RANBP2: variants seen among roughly 807,000 people sequenced by gnomAD.
RANBP2 encodes E3 SUMO-protein ligase RanBP2.
In RANBP2, 57 loss-of-function variants were observed where a neutral mutation model predicts 303.6. The observed-to-expected ratio is 0.19, with a 90% confidence interval of 0.15 to 0.23. RANBP2 has a LOEUF of 0.23. RANBP2 is among the 10% of genes least tolerant of loss of function. The pLI is 1.00. For synonymous variants in RANBP2, 1,167 were observed against 1,301.5 expected, an observed-to-expected ratio of 0.90 and a Z score of 2.23; for missense variants, 3,138 against 3,780.8, an observed-to-expected ratio of 0.83 and a Z score of 4.46.
At chr2:109,003,864 C>T in the RANBP2 span, among the ~76,000 whole-genome samples, 3 of 152,100 alleles carry the variant, frequency 2.0e-5, no homozygotes, top group African/African-American at 7.2e-5. Context: ...TGAAGAGACA[C>T]CAGCAGAGTT....
the RANBP2 span, among the ~76,000 whole-genome samples, chr2:109,066,747 C>T: frequency 5.9e-5 from 9 of 152,126 alleles, no homozygotes; most frequent in East Asian, 7.8e-4. Context: ...GGGGCAGGGG[C>T]GATGGGAGGC....
the RANBP2 span, among the ~76,000 whole-genome samples, chr2:109,413,154 G>A: frequency 2.6e-5 from 4 of 152,212 alleles, no homozygotes; most frequent in East Asian, 5.8e-4. Flanking sequence ...TTGCTCTGTC[G>A]CCCAGGCTGG....
the RANBP2 span, among the ~76,000 whole-genome samples, chr2:109,138,187 C>T: frequency 7.2e-5 from 11 of 152,238 alleles, no homozygotes; most frequent in Non-Finnish European, 1.5e-4. Flanking sequence ...GGCTAACGCC[C>T]GGCTAATTTT....
the RANBP2 span, among the ~76,000 whole-genome samples, chr2:109,504,942 C>T: frequency 2.6e-5 from 4 of 152,224 alleles, no homozygotes; most frequent in Non-Finnish European, 5.9e-5. Context: ...CAGTTCCCCT[C>T]TAGGGGCTCA....
chr2:109,224,995 AT>A, the RANBP2 span, among the ~76,000 whole-genome samples: 23 of 152,308 alleles, frequency 1.5e-4, no homozygotes, highest in East Asian at 3.1e-3. Context: ...TTTAAAAAGA[AT>A]TTTGTGGGTT....
chr2:108,983,605 C>T, the RANBP2 span, among the ~76,000 whole-genome samples: 2 of 152,172 alleles, frequency 1.3e-5, no homozygotes, highest in African/African-American at 4.8e-5. Context: ...CCTTGACTGC[C>T]CTGGAGTTCC....
chr2:109,730,589 A>T, the RANBP2 span, among the ~76,000 whole-genome samples: 1 of 152,186 alleles, frequency 6.6e-6, no homozygotes, highest in Non-Finnish European at 1.5e-5. Flanking sequence ...GCTATAACAA[A>T]GTACCATAGA....
At chr2:109,352,485 A>C in the RANBP2 span, among the ~76,000 whole-genome samples, 1 of 152,180 alleles carries the variant, frequency 6.6e-6, no homozygotes, top group East Asian at 1.9e-4. Flanking sequence ...CCAAATTTGC[A>C]GTGTCGTCTC....
chr2:109,612,400 G>A, the RANBP2 span, among the ~76,000 whole-genome samples: 1 of 152,214 alleles, frequency 6.6e-6, no homozygotes, highest in Admixed American at 6.5e-5. Flanking sequence ...ATCAATCAAT[G>A]ACAATATGCT....
At chr2:109,604,271 G>C in the RANBP2 span, among the ~76,000 whole-genome samples, 2 of 149,424 alleles carry the variant, frequency 1.3e-5, no homozygotes, top group Admixed American at 6.7e-5. Context: ...TTGAACCTAG[G>C]AGGCAGAGGT....
the RANBP2 span, among the ~76,000 whole-genome samples, chr2:109,227,789 A>G: frequency 6.6e-6 from 1 of 152,166 alleles, no homozygotes; most frequent in Non-Finnish European, 1.5e-5. Context: ...CCCCCAGCCA[A>G]CTGGAGTCAA....
chr2:109,638,298 G>A, the RANBP2 span, among the ~76,000 whole-genome samples: 6 of 152,164 alleles, frequency 3.9e-5, no homozygotes, highest in Non-Finnish European at 8.8e-5. Flanking sequence ...AGCAAAATGA[G>A]GCTCATTTAA....
At chr2:109,155,209 C>T in the RANBP2 span, among the ~76,000 whole-genome samples, 1 of 152,212 alleles carries the variant, frequency 6.6e-6, no homozygotes, top group African/African-American at 2.4e-5. Flanking sequence ...GTGGTGTTCT[C>T]ATCCATGGGC....
At chr2:109,207,124 A>G in the RANBP2 span, among the ~76,000 whole-genome samples, 1 of 152,194 alleles carries the variant, frequency 6.6e-6, no homozygotes, top group Non-Finnish European at 1.5e-5. Context: ...TGTGTGCTGT[A>G]GAGGATGATA....
At chr2:109,501,045 C>T in the RANBP2 span, among the ~76,000 whole-genome samples, 7 of 152,312 alleles carry the variant, frequency 4.6e-5, no homozygotes, top group Middle Eastern at 3.4e-3. Context: ...AGTTGAGGAG[C>T]GTGCTTTTCA....
chr2:108,803,276 A>G, the RANBP2 span, among the ~76,000 whole-genome samples: 1 of 152,150 alleles, frequency 6.6e-6, no homozygotes, highest in Admixed American at 6.5e-5. Context: ...CAGGTTCGTA[A>G]ACACCAGAGT....
chr2:109,362,899 G>C, the RANBP2 span, among the ~76,000 whole-genome samples: 2 of 152,108 alleles, frequency 1.3e-5, no homozygotes, highest in Non-Finnish European at 2.9e-5. Context: ...TTTGATTAGT[G>C]TTAGCATGTT....
At chr2:109,027,911 C>A in the RANBP2 span, among the ~76,000 whole-genome samples, 1 of 152,236 alleles carries the variant, frequency 6.6e-6, no homozygotes, top group Non-Finnish European at 1.5e-5. Flanking sequence ...GAGCACTGGG[C>A]TCTGCCAGTT....
At chr2:109,141,600 C>G in the RANBP2 span, 1 of 154,866 alleles carries the variant, frequency 6.5e-6, no homozygotes, top group Non-Finnish European at 1.5e-5. Context: ...TTTTCTCTAT[C>G]GTGAAATCGG....
Sources: allele counts gnomAD v4.1 joint callset (sites outside exome capture counted in the v4.1 genomes callset), GRCh38; gene constraint gnomAD v4.1.1; transcripts MANE v1.5; gene names NCBI Gene and HGNC (gene_info 2026-07-23, HGNC 2026-07-21).